PLXNA3: variants seen among roughly 807,000 people sequenced by gnomAD.
PLXNA3 encodes plexin-A3.
A neutral mutation model predicts 118.8 loss-of-function variants in PLXNA3; 52 were observed. The observed-to-expected ratio is 0.44, with a 90% CI of 0.35 to 0.55. The LOEUF (loss-of-function observed/expected upper bound fraction) is 0.55. Among genes scored for constraint, PLXNA3 ranks in the 20% least tolerant of loss-of-function variants. PLXNA3 has a pLI of 0.01. For synonymous variants in PLXNA3, 925 were observed against 762.4 expected, an observed-to-expected ratio of 1.21 and a Z score of -3.51; for missense variants, 1,660 against 1,730.8, an observed-to-expected ratio of 0.96 and a Z score of 0.73.
At chrX:154,470,918 G>T (rs1250348083) in intron 30 of PLXNA3, 187 bp from the exon 31 acceptor site, 8 of 449,772 alleles carry the variant, frequency 1.8e-5, no homozygotes, top group Non-Finnish European at 3.1e-5. Context: ...TGCGGAGGGG[G>T]TTGAGCCCTA....
chrX:154,461,219 C>T lies in PLXNA3; in HGVS notation c.715C>T (p.Leu239=). Residue 239 remains leucine, a synonymous_variant, in exon 3 of 33, where the codon CTG becomes TTG. Transcript: ENST00000369682. ...GFVSASFVYF[L]TLQLDTQQTL... is the part of the protein sequence containing the mutation. ...CGTCAGCGCCTCCTTCGTGTACTTC[C>T]TGACGCTGCAGCTGGACACCCAGCA... The T allele has an allele frequency of 8.2e-7, 1 of 1,212,593 alleles. No individual in the cohort carries two copies. The highest frequency in any genetic ancestry group is 1.1e-6 in the Non-Finnish European group (1 of 895,573).
At chrX:154,464,924 G>A (rs1283232849) in intron 10 of PLXNA3, 56 bp downstream of exon 10, 44 of 1,075,168 alleles carry the variant, frequency 4.1e-5, no homozygotes, top group South Asian at 8.0e-5. Context: ...CGGGGCCACC[G>A]GCTTCTATGC....
At position 154,464,483 on chromosome X, in the gene PLXNA3, A is replaced by G; in HGVS notation, c.1910A>G (p.Asn637Ser). Residue 637 changes from asparagine to serine, a missense_variant, in exon 9 of 33, where the codon AAC becomes AGC. This residue lies in a region of PLXNA3 where 791 missense variants were observed against 652.1 expected (regional missense o/e 1.21). Coordinates refer to ENST00000369682, the MANE Select transcript of PLXNA3 (RefSeq NM_017514.5). ...RFAGADFVFY[N>S]CSVLQSCMSC... ...GCCGGTGCTGACTTTGTCTTCTACAACTGCAGCGTCCTCCAGTCGTGAGTA... is the reference window on the plus strand; with the variant it reads ...GCCGGTGCTGACTTTGTCTTCTACAGCTGCAGCGTCCTCCAGTCGTGAGTA... 1 of 1,207,235 alleles carries G rather than the reference A, an allele frequency of 8.3e-7. No homozygotes were observed. Among genetic ancestry groups the G allele is most frequent in the Non-Finnish European group, 1.1e-6 (1 of 891,508 alleles).
chrX:154,461,006 C>T (rs1279584203), intron 2 of PLXNA3, 93 bp from the exon 3 acceptor site: 2 of 846,142 alleles, frequency 2.4e-6, no homozygotes, highest in African/African-American at 4.0e-5. Flanking sequence ...TGTGATCATC[C>T]AGGCGGGAGG....
At chrX:154,471,458 G>A (rs377377180) in intron 31 of PLXNA3, 30 bp from the exon 32 acceptor site, 4 of 1,181,249 alleles carry the variant, frequency 3.4e-6, no homozygotes, top group East Asian at 3.0e-5. Context: ...TTGTGATGTC[G>A]CCTGAGTGAC....
Position 154,469,995 on chromosome X carries a change from C to A in PLXNA3, c.4814C>A (p.Ala1605Asp), listed in dbSNP as rs1569554695. The A allele has an allele frequency of 8.3e-7, 1 of 1,211,211 alleles. No individual in the cohort carries two copies. Among genetic ancestry groups the A allele is most frequent in the Non-Finnish European group, 1.1e-6 (1 of 895,253 alleles). The change falls in exon 29 of 33, where the codon GCC becomes GAC. Residue 1605 changes from alanine (A) to aspartate (D), a missense_variant. This residue lies in a region of PLXNA3 where 869 missense variants were observed against 1,078.7 expected (regional missense o/e 0.81). Coordinates refer to ENST00000369682, the MANE Select transcript of PLXNA3 (RefSeq NM_017514.5). The stretch of plus-strand genomic sequence containing the variant: ...GCTCCAGAGAGCTTGCTCCGCACGG[C>A]CAGCAGCCCTGATAGCCTCCGCTCA... ...LSRYESLLRT[A>D]SSPDSLRSRA... is the part of the protein sequence containing the mutation.
At chrX:154,469,019 C>T (rs1287368617) in intron 25 of PLXNA3, 37 bp from the exon 26 acceptor site, 4 of 1,208,609 alleles carry the variant, frequency 3.3e-6, no homozygotes, top group East Asian at 3.0e-5. Flanking sequence ...AGAGAGGCCT[C>T]GCCCCAGACT....
At chrX:154,458,670 C>A in intron 1 of PLXNA3, among the ~76,000 whole-genome samples, 1 of 112,285 alleles carries the variant, frequency 8.9e-6, no homozygotes, top group Middle Eastern at 4.2e-3. Flanking sequence ...CTGTACTTCC[C>A]TCCCGCTAAG....
chrX:154,475,632 T>G lies in PLXNA3; in HGVS notation c.*2947T>G, dbSNP rs2069232038. On this transcript the variant is annotated 3_prime_UTR_variant, in exon 33 of 33. Transcript: ENST00000369682. ...GTAAAATAATAAAGAGAAGGACGTG[T>G]GAGGCAGGACTGGATTGTAGCCCAG... is the stretch of plus-strand genomic sequence containing the variant. The G allele has an allele frequency of 8.9e-6, 1 of 112,016 alleles. No individual in the cohort carries two copies. The highest frequency in any genetic ancestry group is 3.7e-4 in the South Asian group (1 of 2,727). 9.2% of individuals were successfully genotyped at this position (112,016 alleles called of 1,213,427 possible). A position where few individuals can be genotyped will look rare whatever the true frequency, so the allele number is the denominator to read the frequency against.
Position 154,472,731 on chromosome X carries a change from C to A in PLXNA3, c.*46C>A. On this transcript the variant is annotated 3_prime_UTR_variant, in exon 33 of 33. Transcript: ENST00000369682. ...GGGGGCTTCTCAGTCCTGTGCCGTCCTCCCATCCAGGGGAGTGGCTGGCTC... is the reference window on the plus strand; with the variant it reads ...GGGGGCTTCTCAGTCCTGTGCCGTCATCCCATCCAGGGGAGTGGCTGGCTC... 1 of 986,839 alleles carries A rather than the reference C, an allele frequency of 1.0e-6. No homozygotes were observed. Among genetic ancestry groups the A allele is most frequent in the Non-Finnish European group, 1.4e-6 (1 of 692,186 alleles). 81.3% of individuals were successfully genotyped at this position (986,839 alleles called of 1,213,427 possible).
rs782585263 is a variant in PLXNA3, at chrX:154,468,315, G to A, written c.3976G>A (p.Val1326Met). The A allele has an allele frequency of 1.7e-5, 20 of 1,201,904 alleles. No homozygotes were observed. In the Admixed American group the frequency reaches 3.7e-4, roughly 22 times the overall value. ...VLKELDTPPN[V>M]EKALRLFGQL... is the part of the protein sequence containing the mutation. ...CTGCTCCCCACAGACGCCACCCAAC[G>A]TGGAGAAGGCCCTGCGCCTCTTCGG... Residue 1326 changes from valine to methionine, a missense_variant, in exon 23 of 33, where the codon GTG becomes ATG. Transcript: ENST00000369682.
Position 154,462,359 on chromosome X carries a change from T to C in PLXNA3, c.1317+49T>C, listed in dbSNP as rs782741581. 1.7e-5 allele frequency: 16 copies of C among 931,757 alleles called. No homozygotes were observed. In the South Asian group the frequency reaches 4.2e-4, roughly 24 times the overall value. The allele number at this position is 931,757 out of a possible 1,213,427, so 76.8% of individuals were successfully genotyped here. ...GTGGGGGTGGGGACAGTCTCAGATA[T>C]GGGACAAGGCTGGTGGGAACACACG... On this transcript the variant is annotated intron_variant, in intron 4 of 32. Transcript: ENST00000369682.
At chrX:154,464,637 ATC>A (rs1389471204) in intron 9 of PLXNA3, 115 bp from the exon 10 acceptor site, 3 of 687,579 alleles carry the variant, frequency 4.4e-6, no homozygotes, top group Admixed American at 3.1e-5. Context: ...ACATCCCCAC[ATC>A]TCTCTGTCCC....
Position 154,467,169 on chromosome X carries a change from G to A in PLXNA3, c.3201+19G>A, listed in dbSNP as rs781900185. ...CACCAATGTGAGTACCAGCTGCCCCGCCCCACCCCGACCCTGCAGCCCATG... is the reference window on the plus strand; with the variant it reads ...CACCAATGTGAGTACCAGCTGCCCCACCCCACCCCGACCCTGCAGCCCATG... On this transcript the variant is annotated intron_variant, in intron 18 of 32. Coordinates refer to ENST00000369682, the MANE Select transcript of PLXNA3 (RefSeq NM_017514.5). 6.8e-6 allele frequency: 8 copies of A among 1,178,334 alleles called. No homozygotes were observed. The highest frequency in any genetic ancestry group is 9.2e-6 in the Non-Finnish European group (8 of 866,248).
chrX:154,469,662 C>A (rs376729507), intron 27 of PLXNA3, 26 bp from the exon 28 acceptor site: 67 of 1,171,124 alleles, frequency 5.7e-5, no homozygotes, highest in Non-Finnish European at 7.6e-5. Context: ...TCCTGCACTG[C>A]CCCCCTCTGT....
At chrX:154,459,187 C>G (rs1248282978) in intron 1 of PLXNA3, among the ~76,000 whole-genome samples, 1 of 104,838 alleles carries the variant, frequency 9.5e-6, no homozygotes, top group Admixed American at 1.0e-4. Flanking sequence ...CTCCCGCCCT[C>G]AAGCTGGGTA....
intron 1 of PLXNA3, 115 bp downstream of exon 1, chrX:154,458,543 C>T (rs782704980): frequency 8.9e-6 from 1 of 112,647 alleles, no homozygotes; most frequent in Admixed American, 9.2e-5. Context: ...CCCTGCCCGT[C>T]GGCGCCGGCC....
At chrX:154,462,448 T>A (rs2068990677) in intron 4 of PLXNA3, 138 bp downstream of exon 4, 1 of 487,738 alleles carries the variant, frequency 2.1e-6, no homozygotes, top group Non-Finnish European at 3.0e-6. Context: ...TTTCCCTGGC[T>A]GGGTCCCAGG....
intron 27 of PLXNA3, 37 bp from the exon 28 acceptor site, chrX:154,469,651 T>C (rs2069151323): frequency 1.7e-6 from 2 of 1,152,006 alleles, no homozygotes. Flanking sequence ...GCTTCTCAGC[T>C]TCCTGCACTG....
Sources: gnomAD v4.1 joint callset for allele counts (sites outside exome capture counted in the v4.1 genomes callset) on GRCh38, gnomAD v4.1.1 for gene constraint, gnomAD v4.1.1 regional missense constraint, MANE v1.5 for transcripts, NCBI Gene and HGNC (gene_info 2026-07-23, HGNC 2026-07-21) for gene names.